The following CPEB1 variants were observed in gnomAD, a reference collection of about 807,000 sequenced individuals.
CPEB1 encodes cytoplasmic polyadenylation element-binding protein 1.
A neutral mutation model predicts 65.8 loss-of-function variants in CPEB1; 7 were observed. That is an observed-to-expected ratio of 0.11 (90% CI 0.06 to 0.20). The LOEUF (loss-of-function observed/expected upper bound fraction) is 0.20, where lower values mean the gene tolerates loss of function less well. CPEB1 is among the 10% of genes least tolerant of loss of function. The pLI is 1.00. For missense variants in CPEB1, 551 were observed against 712.2 expected (o/e 0.77, Z 2.58); for synonymous variants, 262 against 260.0 (o/e 1.01, Z -0.08).
At chr15:82,595,558 C>A (rs188355467) in intron 3 of CPEB1, among the ~76,000 whole-genome samples, 37 of 152,276 alleles carry the variant, frequency 2.4e-4, no homozygotes, top group African/African-American at 8.9e-4. Context: ...TGGATCAAGA[C>A]ACATCAAACA....
At chr15:82,594,783 G>C (rs1229085130) in intron 3 of CPEB1, among the ~76,000 whole-genome samples, 1 of 152,096 alleles carries the variant, frequency 6.6e-6, no homozygotes, top group Non-Finnish European at 1.5e-5. Flanking sequence ...CCCTTCACTT[G>C]AACACTTAGA....
chr15:82,574,716 C>G (rs1350884719), intron 3 of CPEB1, among the ~76,000 whole-genome samples: 2 of 52,986 alleles, frequency 3.8e-5, no homozygotes, highest in South Asian at 9.9e-4. Context: ...GAGCTAGACT[C>G]GGTCTCAAAA....
chr15:82,645,819 G>T (rs1277530142), intron 1 of CPEB1, among the ~76,000 whole-genome samples: 1 of 152,084 alleles, frequency 6.6e-6, no homozygotes, highest in African/African-American at 2.4e-5. Flanking sequence ...AGTGAGCCAA[G>T]ATCGCGAGAC....
At chr15:82,588,191 A>G (rs1214337107) in intron 3 of CPEB1, among the ~76,000 whole-genome samples, 3 of 151,752 alleles carry the variant, frequency 2.0e-5, no homozygotes, top group African/African-American at 7.3e-5. Context: ...CAAGAGATCC[A>G]CCTGCCTTGG....
At chr15:82,615,847 A>C (rs1011096712) in intron 3 of CPEB1, among the ~76,000 whole-genome samples, 1 of 152,136 alleles carries the variant, frequency 6.6e-6, no homozygotes, top group South Asian at 2.1e-4. Flanking sequence ...TACATACTCA[A>C]GGAAGCTCTT....
At chr15:82,646,535 C>T (rs979955494) in intron 1 of CPEB1, among the ~76,000 whole-genome samples, 36 of 152,128 alleles carry the variant, frequency 2.4e-4, no homozygotes, top group Non-Finnish European at 4.4e-5. Context: ...AATTCGGCTC[C>T]CGACTCTCTT....
chr15:82,567,409 C>T (rs1472477546), intron 4 of CPEB1, among the ~76,000 whole-genome samples: 4 of 151,658 alleles, frequency 2.6e-5, no homozygotes, highest in Non-Finnish European at 2.9e-5. Context: ...GAGTCCGAGG[C>T]GGGTGGATCA....
At chr15:82,590,245 TGTTA>T (rs1795118639) in intron 3 of CPEB1, among the ~76,000 whole-genome samples, 1 of 148,996 alleles carries the variant, frequency 6.7e-6, no homozygotes, top group Non-Finnish European at 1.5e-5. Flanking sequence ...AAAAAACAGT[TGTTA>T]GTCTCATTAA....
At chr15:82,580,982 G>C (rs2041228749) in intron 3 of CPEB1, among the ~76,000 whole-genome samples, 1 of 151,894 alleles carries the variant, frequency 6.6e-6, no homozygotes, top group Non-Finnish European at 1.5e-5. Context: ...CTCTAAAGTA[G>C]ATGGGACCAC....
chr15:82,646,739 C>G (rs1041711174), intron 1 of CPEB1, among the ~76,000 whole-genome samples: 2 of 152,206 alleles, frequency 1.3e-5, no homozygotes, highest in Non-Finnish European at 2.9e-5. Context: ...GCAGCAAAGC[C>G]TCGGTCGACT....
chr15:82,563,294 A>G (rs2038541273), intron 4 of CPEB1, among the ~76,000 whole-genome samples: 1 of 151,384 alleles, frequency 6.6e-6, no homozygotes, highest in Non-Finnish European at 1.5e-5. Flanking sequence ...AGTGTTATCA[A>G]CTTTAAATTG....
chr15:82,566,169 C>T (rs963840967), intron 4 of CPEB1, among the ~76,000 whole-genome samples: 13 of 152,192 alleles, frequency 8.5e-5, no homozygotes, highest in African/African-American at 3.1e-4. Flanking sequence ...TTAGCAATGG[C>T]AACAAGAGCC....
chr15:82,629,246 A>T (rs1333410881), intron 1 of CPEB1: 1 of 984,872 alleles, frequency 1.0e-6, no homozygotes, highest in African/African-American at 1.7e-5. Flanking sequence ...ACATATGTAA[A>T]GCATTTTGCA....
At chr15:82,637,936 C>T (rs1411393973) in intron 1 of CPEB1, 3 of 443,820 alleles carry the variant, frequency 6.8e-6, no homozygotes, top group Non-Finnish European at 1.4e-5. Flanking sequence ...TTAAAAAAAC[C>T]TATTACATAT....
intron 3 of CPEB1, among the ~76,000 whole-genome samples, chr15:82,615,217 C>G (rs748765146): frequency 2.6e-5 from 4 of 152,086 alleles, no homozygotes; most frequent in African/African-American, 9.7e-5. Context: ...AAACTGTACC[C>G]TATCCTCCCA....
intron 4 of CPEB1, among the ~76,000 whole-genome samples, chr15:82,567,323 C>A (rs1212441503): frequency 6.6e-6 from 1 of 152,142 alleles, no homozygotes; most frequent in African/African-American, 2.4e-5. Flanking sequence ...ATTCCATTCA[C>A]TGATTAGCAG....
At chr15:82,620,053 T>C (rs2045148404) in intron 3 of CPEB1, among the ~76,000 whole-genome samples, 1 of 152,134 alleles carries the variant, frequency 6.6e-6, no homozygotes, top group Admixed American at 6.5e-5. Flanking sequence ...TGGAATACTG[T>C]AAAGCAACAG....
chr15:82,606,461 C>T (rs1286511589), intron 3 of CPEB1, among the ~76,000 whole-genome samples: 1 of 145,958 alleles, frequency 6.9e-6, no homozygotes, highest in South Asian at 2.2e-4. Context: ...CACAGGGATA[C>T]TCCGTCTCAA....
In CPEB1 at chr15:82,567,549, T is replaced by C. The variant is rs138726665; in HGVS notation, c.460+3795A>G. On this transcript the variant is annotated intron_variant, in intron 4 of 12. Transcript: ENST00000684509. ...CTACTCAGGAGGCTGAGGCAGAGGA[T>C]TGCTTGAACCCGGGAGGCAGAGGTT... Among the ~76,000 whole-genome samples the C allele has an allele frequency of 6.7e-3, 1,020 of 152,028 alleles. 10 individuals are homozygous for C. The highest frequency in any genetic ancestry group is 0.023 in the African/African-American group (951 of 41,436).
Sources: gnomAD v4.1 joint callset for allele counts (sites outside exome capture counted in the v4.1 genomes callset) on GRCh38, gnomAD v4.1.1 for gene constraint, MANE v1.5 for transcripts, NCBI Gene and HGNC (gene_info 2026-07-23, HGNC 2026-07-21) for gene names.